The following ARHGEF28 variants were observed in gnomAD, a reference collection of about 807,000 sequenced individuals.
ARHGEF28 encodes the protein 190 kDa guanine nucleotide exchange factor.
A neutral mutation model predicts 206.6 loss-of-function variants in ARHGEF28; 152 were observed. The observed-to-expected ratio is 0.74, with a 90% confidence interval of 0.64 to 0.84. The LOEUF (loss-of-function observed/expected upper bound fraction) is 0.84. ARHGEF28 is among the 40% of genes least tolerant of loss of function. The pLI, the probability that ARHGEF28 is intolerant of heterozygous loss-of-function variation, is 0.00. For missense variants in ARHGEF28, 2,028 were observed against 2,073.2 expected (o/e 0.98, Z 0.42); for synonymous variants, 763 against 776.4 (o/e 0.98, Z 0.29).
intron 11 of ARHGEF28, 34 bp from the exon 12 acceptor site, chr5:73,846,234 G>C: frequency 6.3e-7 from 1 of 1,596,726 alleles, no homozygotes; most frequent in South Asian, 1.1e-5. Context: ...GTCCTTCCTT[G>C]CTTCTTTACT....
At chr5:73,866,393 G>A (rs1759709109) in intron 18 of ARHGEF28, among the ~76,000 whole-genome samples, 1 of 152,194 alleles carries the variant, frequency 6.6e-6, no homozygotes, top group Non-Finnish European at 1.5e-5. Context: ...CAGTAGCGTA[G>A]TATAGCAATA....
At chr5:73,846,217 G>T (rs539388531) in intron 11 of ARHGEF28, 51 bp from the exon 12 acceptor site, 8 of 1,543,974 alleles carry the variant, frequency 5.2e-6, no homozygotes, top group Admixed American at 1.8e-5. Flanking sequence ...AACCAATGAC[G>T]CTCTGTGTCC....
intron 2 of ARHGEF28, among the ~76,000 whole-genome samples, chr5:73,710,194 G>A (rs1749159496): frequency 6.6e-6 from 1 of 152,134 alleles, no homozygotes; most frequent in African/African-American, 2.4e-5. Flanking sequence ...TCCTCCAGTT[G>A]TCCCACATAT....
At position 73,898,070 on chromosome 5, in the gene ARHGEF28, A is replaced by T; in HGVS notation, c.3950A>T (p.Asp1317Val). 1 of 1,612,270 alleles carries T rather than the reference A, an allele frequency of 6.2e-7. No individual in the cohort carries two copies. The highest frequency in any genetic ancestry group is 8.5e-7 in the Non-Finnish European group (1 of 1,179,252). Residue 1317 changes from aspartate (D) to valine (V), a missense_variant, in exon 30 of 36, where the codon GAT (aspartate) becomes GTT (valine). Transcript: ENST00000513042. ...SVLADTLSSH[D>V]VPGSPTASLV... ...TTGGCGGACACACTCAGTTCTCATG[A>T]TGTACCAGGATCACCGACTGCCTGT...
chr5:73,695,425 A>T (rs527332433), intron 2 of ARHGEF28, among the ~76,000 whole-genome samples: 1 of 152,084 alleles, frequency 6.6e-6, no homozygotes. Flanking sequence ...AGACTCCCAC[A>T]TGTGGGCCCT....
chr5:73,902,742 A>G (rs1285381615), intron 31 of ARHGEF28: 2 of 152,224 alleles, frequency 1.3e-5, no homozygotes, highest in Non-Finnish European at 2.9e-5. Context: ...CATTTACCAC[A>G]AGGTGGCAGA....
chr5:73,673,783 C>T (rs1366758009), intron 1 of ARHGEF28, among the ~76,000 whole-genome samples: 4 of 152,070 alleles, frequency 2.6e-5, no homozygotes, highest in African/African-American at 9.7e-5. Flanking sequence ...TCTTAATCGT[C>T]ACAACAGTCT....
At chr5:73,834,413 A>G (rs1757480877) in intron 10 of ARHGEF28, among the ~76,000 whole-genome samples, 2 of 152,130 alleles carry the variant, frequency 1.3e-5, no homozygotes, top group South Asian at 2.1e-4. Context: ...CATTCCACAT[A>G]TAAGTCAGAT....
chr5:73,853,492 T>G (rs1758829060), intron 14 of ARHGEF28, among the ~76,000 whole-genome samples: 1 of 152,262 alleles, frequency 6.6e-6, no homozygotes, highest in Non-Finnish European at 1.5e-5. Context: ...GTGTTTCGTT[T>G]TAAATCCTGG....
chr5:73,834,942 G>A (rs1183297247), intron 10 of ARHGEF28: 1 of 152,062 alleles, frequency 6.6e-6, no homozygotes, highest in Non-Finnish European at 1.5e-5. Flanking sequence ...ACTTATCCTT[G>A]GAGTCTCCAA....
chr5:73,820,581 C>T (rs953711980), intron 9 of ARHGEF28, among the ~76,000 whole-genome samples: 32 of 152,122 alleles, frequency 2.1e-4, no homozygotes, highest in Non-Finnish European at 1.3e-4. Flanking sequence ...CCTGGTGATT[C>T]TCCTTCTGGC....
At chr5:73,864,643 T>G (rs1759595005) in intron 16 of ARHGEF28, among the ~76,000 whole-genome samples, 174 bp from the exon 17 acceptor site, 1 of 152,214 alleles carries the variant, frequency 6.6e-6, no homozygotes, top group Non-Finnish European at 1.5e-5. Flanking sequence ...TGCTTGTGCT[T>G]GAGTGGTGAG....
rs562335689 is a variant in ARHGEF28 at position 73,682,777 on chromosome 5, GCATGCCTGTA to G, written c.-11-2063_-11-2054del. ...CAGAGCTCTGGCTGGGCATGGTGGCGCATGCCTGTAAGGCCAGCCACTCGGGAGGCTAAGG... is the reference window on the plus strand; with the variant it reads ...CAGAGCTCTGGCTGGGCATGGTGGCGAGGCCAGCCACTCGGGAGGCTAAGG... On this transcript the variant is annotated intron_variant, in intron 1 of 35. Transcript: ENST00000513042. Among the ~76,000 whole-genome samples the G allele has an allele frequency of 3.3e-5, 5 of 152,284 alleles. No individual in the cohort carries two copies. The East Asian group carries it at 9.7e-4, about 30-fold the overall frequency.
At chr5:73,707,872 A>G (rs1385648219) in intron 2 of ARHGEF28, among the ~76,000 whole-genome samples, 1 of 152,170 alleles carries the variant, frequency 6.6e-6, no homozygotes, top group Non-Finnish European at 1.5e-5. Flanking sequence ...GGAAAATAGA[A>G]GTTGATGAGT....
chr5:73,701,309 T>C (rs1312102964), intron 2 of ARHGEF28, among the ~76,000 whole-genome samples: 10 of 152,186 alleles, frequency 6.6e-5, no homozygotes, highest in African/African-American at 2.4e-4. Flanking sequence ...TGATATTGTA[T>C]CAAAACTTCT....
chr5:73,917,666 G>A (rs1763284272), intron 35 of ARHGEF28, among the ~76,000 whole-genome samples: 1 of 152,224 alleles, frequency 6.6e-6, no homozygotes, highest in African/African-American at 2.4e-5. Context: ...AGCCATGCGG[G>A]TGTCTGTTCA....
At chr5:73,669,677 T>C (rs1185447359) in intron 1 of ARHGEF28, among the ~76,000 whole-genome samples, 2 of 127,410 alleles carry the variant, frequency 1.6e-5, no homozygotes, top group Non-Finnish European at 3.2e-5. Flanking sequence ...TCAACTTTAC[T>C]AAGTTTTACT....
At chr5:73,724,419 C>T (rs1453091951) in intron 2 of ARHGEF28, among the ~76,000 whole-genome samples, 3 of 152,200 alleles carry the variant, frequency 2.0e-5, no homozygotes, top group African/African-American at 7.2e-5. Flanking sequence ...ATACTATATG[C>T]AGTGTGAACG....
intron 1 of ARHGEF28, among the ~76,000 whole-genome samples, chr5:73,633,342 GGAA>G (rs1743484211): frequency 6.6e-6 from 1 of 151,856 alleles, no homozygotes; most frequent in South Asian, 2.1e-4. Context: ...TTTCTTCTAG[GGAA>G]GAAGTGACAC....
Sources: allele counts gnomAD v4.1 joint callset (sites outside exome capture counted in the v4.1 genomes callset), GRCh38; gene constraint gnomAD v4.1.1; transcripts MANE v1.5; gene names NCBI Gene and HGNC (gene_info 2026-07-23, HGNC 2026-07-21).